Variants in PPP2R1B observed in about 807,000 individuals in gnomAD.
PPP2R1B encodes serine/threonine-protein phosphatase 2A 65 kDa regulatory subunit A beta isoform.
PPP2R1B carries 58 observed loss-of-function variants against 72.7 expected under a neutral mutation model. That is an observed-to-expected ratio of 0.80 (90% confidence interval 0.65 to 0.99). The LOEUF (loss-of-function observed/expected upper bound fraction) is 0.99, where lower values mean the gene tolerates loss of function less well. Ranked by LOEUF, PPP2R1B falls within the 50% of genes least tolerant of loss-of-function variation. The pLI is 0.00. For synonymous variants in PPP2R1B, 256 were observed against 264.6 expected (o/e 0.97, Z 0.32); for missense variants, 695 against 733.6 (o/e 0.95, Z 0.61).
the PPP2R1B span, among the ~76,000 whole-genome samples, chr11:111,704,641 C>T: frequency 6.6e-6 from 1 of 152,198 alleles, no homozygotes; most frequent in Admixed American, 6.5e-5. Context: ...ACTGACCTTA[C>T]ACCACCGTTA....
At chr11:111,688,137 T>C in the PPP2R1B span, 7 of 1,614,044 alleles carry the variant, frequency 4.3e-6, no homozygotes, top group Non-Finnish European at 5.9e-6. The surrounding 1 kb of genome is among the most constrained non-coding windows in gnomAD (Gnocchi z 4.2). Flanking sequence ...TCCTGCTGGA[T>C]AACAACATGA....
intron 1 of PPP2R1B, 63 bp from the exon 2 acceptor site, chr11:111,765,447 C>CA (rs1372369728): frequency 3.8e-6 from 5 of 1,332,334 alleles, no homozygotes; most frequent in Non-Finnish European, 5.3e-6. Context: ...GATCAAAAGA[C>CA]AAAAGGTGCT....
At chr11:111,720,126 A>T in the PPP2R1B span, 2 of 965,994 alleles carry the variant, frequency 2.1e-6, no homozygotes, top group Non-Finnish European at 3.1e-6. Context: ...TCCTTTATGG[A>T]TTAGATTCAG....
chr11:111,765,093 C>T (rs1181039666), intron 2 of PPP2R1B, among the ~76,000 whole-genome samples, 188 bp from the exon 3 acceptor site: 3 of 152,186 alleles, frequency 2.0e-5, no homozygotes, highest in Admixed American at 1.3e-4. Context: ...ATTCATACTC[C>T]CGTATCAATT....
At chr11:111,699,742 T>C in the PPP2R1B span, among the ~76,000 whole-genome samples, 10 of 152,352 alleles carry the variant, frequency 6.6e-5, no homozygotes, top group African/African-American at 2.4e-4. Context: ...TGGAGTGAGC[T>C]TATTTTAACA....
At chr11:111,745,200 C>T (rs1185215778) in intron 11 of PPP2R1B, among the ~76,000 whole-genome samples, 5 of 151,696 alleles carry the variant, frequency 3.3e-5, no homozygotes, top group East Asian at 1.9e-4. Flanking sequence ...TACAGGCGCC[C>T]GCCAACACAT....
the PPP2R1B span, chr11:111,701,044 T>C: frequency 1.2e-6 from 2 of 1,601,368 alleles, no homozygotes; most frequent in Non-Finnish European, 1.7e-6. This position sits in a 1 kb window ranked among gnomAD's most constrained non-coding sequence, Gnocchi z 4.2. Flanking sequence ...GTTAAATGCA[T>C]CTATACTGAT....
At chr11:111,765,849 C>T in intron 1 of PPP2R1B, 1 of 479,494 alleles carries the variant, frequency 2.1e-6, no homozygotes. Flanking sequence ...AGGGGCACTT[C>T]AAAGGGCTTC....
the PPP2R1B span, among the ~76,000 whole-genome samples, chr11:111,718,371 G>C: frequency 6.6e-6 from 1 of 152,218 alleles, no homozygotes; most frequent in African/African-American, 2.4e-5. Flanking sequence ...ACCAAGGAGA[G>C]AGCAAGAGTT....
chr11:111,741,983 T>C lies in PPP2R1B; in HGVS notation c.1789+70A>G, dbSNP rs759245250. 4.7e-6 allele frequency: 6 copies of C among 1,282,410 alleles called. No homozygotes were observed. The South Asian group carries it at 7.1e-5, about 15-fold the overall frequency. The allele number at this position is 1,282,410 out of a possible 1,614,324, so 79.4% of individuals were successfully genotyped here. Reference sequence around the variant, plus strand: ...CTTATCATCCTACCCACTTAACACCTCTCACATAATAGAGATAAATCCCAG... The same window carrying C: ...CTTATCATCCTACCCACTTAACACCCCTCACATAATAGAGATAAATCCCAG... On this transcript the variant is annotated intron_variant, in intron 14 of 14. Transcript: ENST00000527614.
At chr11:111,749,308 G>C (rs1944817557) in intron 10 of PPP2R1B, among the ~76,000 whole-genome samples, 1 of 151,508 alleles carries the variant, frequency 6.6e-6, no homozygotes, top group Admixed American at 6.6e-5. Context: ...TGTCGAGACG[G>C]AATCTCTCTC....
At chr11:111,765,157 T>A in intron 2 of PPP2R1B, 137 bp downstream of exon 2, 1 of 1,016,256 alleles carries the variant, frequency 9.8e-7, no homozygotes, top group Non-Finnish European at 1.5e-6. Context: ...CAACTAACAA[T>A]ATACTCTGTT....
At chr11:111,736,117 G>A (rs1944332922), downstream of PPP2R1B, among the ~76,000 whole-genome samples, 3 of 152,090 alleles carry the variant, frequency 2.0e-5, 1 homozygote, top group Admixed American at 2.0e-4. Flanking sequence ...ATTCATGAGG[G>A]ACCAAAAAAC....
intron 10 of PPP2R1B, among the ~76,000 whole-genome samples, chr11:111,750,493 G>A (rs1357797526): frequency 6.6e-6 from 1 of 152,090 alleles, no homozygotes; most frequent in Non-Finnish European, 1.5e-5. Flanking sequence ...AATAAAAAAT[G>A]TTAAGTGCCT....
chr11:111,755,062 T>TTAGGACCTCATTTTAGG lies in PPP2R1B; in HGVS notation c.875_876insCCTAAAATGAGGTCCTA (p.Asn293LeufsTer3). The TTAGGACCTCATTTTAGG allele has an allele frequency of 6.2e-7, 1 of 1,614,036 alleles. No homozygotes were observed. Among genetic ancestry groups the TTAGGACCTCATTTTAGG allele is most frequent in the Non-Finnish European group, 8.5e-7 (1 of 1,179,884 alleles). ...TCTGAAAGGCGGGGATGAGGTCATT[T>TTAGGACCTCATTTTAGG]AGGGTGATTTTAGGACCCATGGCTT... is the stretch of plus-strand genomic sequence containing the variant. On this transcript the variant is annotated stop_gained and frameshift_variant, in exon 7 of 15. Transcript: ENST00000527614. LOFTEE classifies it high-confidence loss of function.
downstream of PPP2R1B, chr11:111,737,448 C>G: frequency 1.2e-6 from 2 of 1,614,246 alleles, no homozygotes; most frequent in Non-Finnish European, 1.7e-6. Flanking sequence ...GGGCACTTAC[C>G]TTCCCCATGT....
downstream of PPP2R1B, chr11:111,722,709 T>C: frequency 2.5e-6 from 4 of 1,614,164 alleles, no homozygotes; most frequent in Non-Finnish European, 3.4e-6. This position sits in a 1 kb window ranked among gnomAD's most constrained non-coding sequence, Gnocchi z 4.4. Flanking sequence ...GTCAGCTTTA[T>C]TGCAAAGAAC....
chr11:111,704,918 T>TC, the PPP2R1B span: 1 of 1,477,504 alleles, frequency 6.8e-7, no homozygotes. Context: ...CTCTTTTTTT[T>TC]TAGGCATGTG....
chr11:111,723,987 C>T (rs1244473354), downstream of PPP2R1B: 9 of 1,614,062 alleles, frequency 5.6e-6, no homozygotes, highest in Non-Finnish European at 7.6e-6. Context: ...CTAACGGGGC[C>T]AGACTGTCCC....
Sources: allele counts gnomAD v4.1 joint callset (sites outside exome capture counted in the v4.1 genomes callset), GRCh38; gene constraint gnomAD v4.1.1; non-coding constraint Gnocchi (gnomAD v3.1); transcripts MANE v1.5; gene names NCBI Gene and HGNC (gene_info 2026-07-23, HGNC 2026-07-21).